Variants in LARS2 observed in about 807,000 individuals in gnomAD.
LARS2 encodes leucine--tRNA ligase, mitochondrial.
LARS2 carries 81 observed loss-of-function variants against 116.6 expected under a neutral mutation model. The observed-to-expected ratio is 0.69, with a 90% confidence interval of 0.58 to 0.84. The LOEUF is 0.84. LARS2 is among the 40% of genes least tolerant of loss of function. The pLI is 0.00. For synonymous variants in LARS2, 396 were observed against 407.2 expected (o/e 0.97, Z 0.33); for missense variants, 968 against 1,114.5 (o/e 0.87, Z 1.87).
intron 6 of LARS2, among the ~76,000 whole-genome samples, chr3:45,439,480 A>G (rs1698869037): frequency 6.6e-6 from 1 of 152,062 alleles, no homozygotes; most frequent in African/African-American, 2.4e-5. Context: ...TGGCCTCCCA[A>G]AGTGCTGGGA....
intron 15 of LARS2, 120 bp from the exon 16 acceptor site, chr3:45,513,015 C>T: frequency 1.4e-6 from 1 of 721,806 alleles, no homozygotes; most frequent in South Asian, 1.6e-5. Context: ...CCTTGGTCAG[C>T]CCGCCTGCTT....
chr3:45,416,285 C>T (rs1698420794), intron 4 of LARS2, among the ~76,000 whole-genome samples: 1 of 150,042 alleles, frequency 6.7e-6, no homozygotes, highest in African/African-American at 2.4e-5. Context: ...GGATGAACTT[C>T]AGGAAGAAAT....
chr3:45,525,149 T>C (rs1450958244), intron 20 of LARS2, among the ~76,000 whole-genome samples: 1 of 152,256 alleles, frequency 6.6e-6, no homozygotes, highest in Non-Finnish European at 1.5e-5. Flanking sequence ...TCCTTTTTCT[T>C]TTTAGCTAAG....
At chr3:45,418,824 C>T (rs28631980) in intron 5 of LARS2, among the ~76,000 whole-genome samples, 3,326 of 152,288 alleles carry the variant, frequency 0.022, 114 homozygotes, top group African/African-American at 0.076. Context: ...TCCCTTCTTG[C>T]CAGCAGATCA....
chr3:45,508,431 T>A (rs1355705900), intron 15 of LARS2, among the ~76,000 whole-genome samples: 1 of 152,130 alleles, frequency 6.6e-6, no homozygotes, highest in Non-Finnish European at 1.5e-5. Context: ...ATGGTGATAT[T>A]TCAAGAATGA....
Position 45,491,633 on chromosome 3 carries a change from G to A in LARS2, c.1356G>A (p.Gln452=). 1 of 1,614,238 alleles carries A rather than the reference G, an allele frequency of 6.2e-7. No homozygotes were observed. Among genetic ancestry groups the A allele is most frequent in the South Asian group, 1.1e-5 (1 of 91,086 alleles). The change falls in exon 13 of 22, where the codon CAG becomes CAA. Residue 452 remains glutamine (Q), a synonymous_variant. Transcript: ENST00000645846. ...TGAAAGACTGGCTGATTTCACGGCA[G>A]CGGTACTGGGGCACACCAATCCCCA... is the stretch of plus-strand genomic sequence containing the variant. ...DKLKDWLISR[Q]RYWGTPIPIV...
chr3:45,428,202 G>A (rs537238241), intron 6 of LARS2, among the ~76,000 whole-genome samples: 1 of 145,660 alleles, frequency 6.9e-6, no homozygotes, highest in African/African-American at 2.5e-5. Context: ...TTAAATTATG[G>A]TAATGTTCAC....
chr3:45,458,038 T>C (rs942359846), intron 7 of LARS2, among the ~76,000 whole-genome samples: 2 of 152,022 alleles, frequency 1.3e-5, no homozygotes, highest in African/African-American at 4.8e-5. Context: ...TGAGTGATGG[T>C]TACATGAGTA....
At position 45,491,498 on chromosome 3, in the gene LARS2, T is replaced by G. The variant is rs1699913437; in HGVS notation, c.1240-19T>G. The G allele has an allele frequency of 6.2e-7, 1 of 1,611,704 alleles. No homozygotes were observed. Among genetic ancestry groups the G allele is most frequent in the Non-Finnish European group, 8.5e-7 (1 of 1,178,184 alleles). The stretch of plus-strand genomic sequence containing the variant: ...GTGCTATGCGGAGAGGAGTGAGCTT[T>G]CTTTTCTTTCCCTGTCAGTTCACAG... On this transcript the variant is annotated intron_variant, in intron 12 of 21. Coordinates refer to ENST00000645846, the MANE Select transcript of LARS2 (RefSeq NM_015340.4).
intron 13 of LARS2, among the ~76,000 whole-genome samples, chr3:45,493,717 A>C (rs1699964263): frequency 6.6e-6 from 1 of 151,986 alleles, no homozygotes; most frequent in South Asian, 2.1e-4. Context: ...TCCTGATAAC[A>C]TTATCACCAT....
intron 21 of LARS2, among the ~76,000 whole-genome samples, chr3:45,542,531 A>G (rs1700814274): frequency 1.3e-5 from 2 of 152,230 alleles, no homozygotes; most frequent in South Asian, 4.1e-4. Context: ...AATGAGACAC[A>G]TTTATGGTGA....
intron 4 of LARS2, among the ~76,000 whole-genome samples, chr3:45,405,309 C>T (rs1038661531): frequency 6.6e-6 from 1 of 152,094 alleles, no homozygotes; most frequent in Non-Finnish European, 1.5e-5. Flanking sequence ...GGTCTACAGC[C>T]TATAAGACCT....
At chr3:45,390,724 C>T (rs1455801502) in intron 1 of LARS2, among the ~76,000 whole-genome samples, 8 of 151,676 alleles carry the variant, frequency 5.3e-5, no homozygotes, top group Non-Finnish European at 1.5e-5. Flanking sequence ...GTGATCTCAG[C>T]TCACTGCAAG....
At chr3:45,470,833 G>T (rs1240899037) in intron 8 of LARS2, among the ~76,000 whole-genome samples, 1 of 151,932 alleles carries the variant, frequency 6.6e-6, no homozygotes, top group Non-Finnish European at 1.5e-5. Flanking sequence ...TACATATTGG[G>T]TTCCCTCAGA....
intron 14 of LARS2, among the ~76,000 whole-genome samples, chr3:45,497,600 T>C (rs560127729): frequency 2.0e-5 from 3 of 152,260 alleles, no homozygotes; most frequent in African/African-American, 7.2e-5. Context: ...TAATTTGAGT[T>C]CATATCAGAT....
intron 6 of LARS2, among the ~76,000 whole-genome samples, chr3:45,438,162 G>C (rs1698837021): frequency 6.6e-6 from 1 of 152,146 alleles, no homozygotes; most frequent in Non-Finnish European, 1.5e-5. Context: ...AGCATTAGCT[G>C]TTACTGTTGT....
At chr3:45,415,876 TAGAGAGAGAGAG>T (rs71095033) in intron 4 of LARS2, among the ~76,000 whole-genome samples, 2 of 69,028 alleles carry the variant, frequency 2.9e-5, no homozygotes, top group African/African-American at 4.0e-5. Context: ...TATATATATA[TAGAGAGAGAGAG>T]AGAGGGAGAG....
At chr3:45,481,607 A>G (rs141017902) in intron 10 of LARS2, among the ~76,000 whole-genome samples, 21 of 152,204 alleles carry the variant, frequency 1.4e-4, no homozygotes, top group Non-Finnish European at 2.6e-4. Context: ...ACATCTTTTC[A>G]TGTGTTTATT....
Position 45,491,658 on chromosome 3 carries a change from A to G in LARS2, c.1381A>G (p.Ile461Val). The change falls in exon 13 of 22, where the codon ATT becomes GTT. Residue 461 changes from isoleucine (I) to valine (V), a missense_variant. Physicochemically the swap from Ile to Val is conservative, Grantham distance 29. Coordinates refer to ENST00000645846, the MANE Select transcript of LARS2 (RefSeq NM_015340.4). ...GCGGTACTGGGGCACACCAATCCCC[A>G]TTGTCCACTGCCCAGTCTGTGGCCC... ...RQRYWGTPIP[I>V]VHCPVCGPTP... is the part of the protein sequence containing the mutation. The G allele has an allele frequency of 1.2e-6, 2 of 1,614,184 alleles. No homozygotes were observed. Among genetic ancestry groups the G allele is most frequent in the Non-Finnish European group, 1.7e-6 (2 of 1,180,024 alleles).
Sources: allele counts gnomAD v4.1 joint callset (sites outside exome capture counted in the v4.1 genomes callset), GRCh38; gene constraint gnomAD v4.1.1; transcripts MANE v1.5; gene names NCBI Gene and HGNC (gene_info 2026-07-23, HGNC 2026-07-21).